The following AMN1 variants were observed in gnomAD, a reference collection of about 807,000 sequenced individuals.
The protein encoded by AMN1 is antagonist of mitotic exit network 1 homolog.
In AMN1, 20 loss-of-function variants were observed where a neutral mutation model predicts 33.0. That is an observed-to-expected ratio of 0.61 (90% CI 0.43 to 0.88). The LOEUF is 0.88. Among genes scored for constraint, AMN1 ranks in the 40% least tolerant of loss-of-function variants. The probability of loss-of-function intolerance (pLI) is 0.00; values close to 1 mark genes in which losing one functional copy is unlikely to be tolerated. For synonymous variants in AMN1, 114 were observed against 111.9 expected, an observed-to-expected ratio of 1.02 and a Z score of -0.12; for missense variants, 246 against 307.4, an observed-to-expected ratio of 0.80 and a Z score of 1.49.
At chr12:31,689,177 G>T in intron 5 of AMN1, 59 bp from the exon 6 acceptor site, 1 of 1,141,108 alleles carries the variant, frequency 8.8e-7, no homozygotes, top group Non-Finnish European at 1.3e-6. Context: ...ATAACAGTAT[G>T]AACAATTTTG....
intron 5 of AMN1, among the ~76,000 whole-genome samples, chr12:31,692,016 T>A (rs1938520376): frequency 6.6e-6 from 1 of 152,040 alleles, no homozygotes; most frequent in Admixed American, 6.6e-5. Flanking sequence ...TAGCTGGGAT[T>A]ACAGGCATGT....
intron 5 of AMN1, among the ~76,000 whole-genome samples, chr12:31,693,244 A>AT (rs983863061): frequency 8.0e-5 from 12 of 149,612 alleles, no homozygotes; most frequent in Non-Finnish European, 1.5e-4. Flanking sequence ...CCTCTGGTTA[A>AT]TTTTTTTTTT....
chr12:31,724,435 C>G (rs576630924), intron 1 of AMN1, among the ~76,000 whole-genome samples: 2 of 152,160 alleles, frequency 1.3e-5, no homozygotes. Flanking sequence ...ACATCCTGGG[C>G]AGACAGGGCA....
intron 2 of AMN1, among the ~76,000 whole-genome samples, chr12:31,706,712 T>C (rs940011487): frequency 1.3e-5 from 2 of 152,206 alleles, no homozygotes; most frequent in African/African-American, 2.4e-5. Flanking sequence ...TTTCTAGTGC[T>C]TGGGGCTCTC....
chr12:31,727,072 C>T (rs1490926472), intron 1 of AMN1, among the ~76,000 whole-genome samples: 1 of 152,122 alleles, frequency 6.6e-6, no homozygotes, highest in African/African-American at 2.4e-5. Context: ...CTAGACTGGT[C>T]TCCAACTCCT....
rs556856625 is a variant in AMN1, at chr12:31,689,450, A to G, written c.592-332T>C. On this transcript the variant is annotated intron_variant, in intron 5 of 6. Coordinates refer to ENST00000281471, the MANE Select transcript of AMN1 (RefSeq NM_001113402.2). ...TTATAAATATGCCCTTTGCAGTATT[A>G]CTTGTAATAGTAAAAAAAGTGGAGA... Among the ~76,000 whole-genome samples the G allele has an allele frequency of 2.0e-5, 3 of 152,332 alleles. No homozygotes were observed. The East Asian group carries it at 5.8e-4, about 29-fold the overall frequency.
intron 2 of AMN1, 30 bp downstream of exon 2, chr12:31,709,263 T>C: frequency 6.2e-7 from 1 of 1,607,264 alleles, no homozygotes; most frequent in Non-Finnish European, 8.5e-7. Context: ...AAATATAATA[T>C]GCTTGCTTTA....
rs1423830805 is a variant in AMN1, at chr12:31,697,355, A to G, written c.591+6T>C. The G allele has an allele frequency of 6.2e-7, 1 of 1,609,642 alleles. No individual in the cohort carries two copies. The highest frequency in any genetic ancestry group is 1.7e-5 in the Admixed American group (1 of 59,728). On this transcript the variant is annotated splice_donor_region_variant and intron_variant, in intron 5 of 6. Coordinates refer to ENST00000281471, the MANE Select transcript of AMN1 (RefSeq NM_001113402.2). ...ACCACCATCTTTATAATTGTTTTAA[A>G]ATTACCTCTAATTTCTTCGCACAAG...
chr12:31,678,235 G>A (rs1478883323), intron 6 of AMN1, among the ~76,000 whole-genome samples: 1 of 151,858 alleles, frequency 6.6e-6, no homozygotes, highest in Non-Finnish European at 1.5e-5. Context: ...CCTTATGATG[G>A]GTGAGGAAAG....
chr12:31,706,182 G>A (rs1317788365), intron 2 of AMN1, among the ~76,000 whole-genome samples: 1 of 151,578 alleles, frequency 6.6e-6, no homozygotes, highest in East Asian at 1.9e-4. Context: ...TGTGGTGGCG[G>A]GCGCCTGTAG....
At chr12:31,722,220 G>T (rs1408128736) in intron 1 of AMN1, among the ~76,000 whole-genome samples, 2 of 151,388 alleles carry the variant, frequency 1.3e-5, no homozygotes, top group Non-Finnish European at 2.9e-5. Flanking sequence ...CATTTTTTCG[G>T]GTTATGGTTT....
intron 5 of AMN1, among the ~76,000 whole-genome samples, chr12:31,696,816 G>A (rs1308174958): frequency 6.6e-6 from 1 of 151,782 alleles, no homozygotes; most frequent in East Asian, 1.9e-4. Flanking sequence ...AGCTGCTTGG[G>A]AGGCTGAGGC....
In AMN1 at chr12:31,702,024, AT is replaced by A. The variant is rs779728234; in HGVS notation, c.172-18del. ...ATGTAAAATCTATAACAAATAAGTG[AT>A]TTTGAAAAAATTATTTCTTTCTATA... On this transcript the variant is annotated intron_variant, in intron 2 of 6. Transcript: ENST00000281471. 8 of 1,559,462 alleles carry A rather than the reference AT, an allele frequency of 5.1e-6. 1 individual carries two copies. The South Asian group carries it at 8.6e-5, about 17-fold the overall frequency.
chr12:31,679,610 C>T (rs12818390), intron 6 of AMN1, among the ~76,000 whole-genome samples: 83,684 of 151,934 alleles, frequency 0.55, 23,281 homozygotes, highest in Middle Eastern at 0.6. Context: ...AAATTGAAAG[C>T]GGCAGATTTC....
chr12:31,706,956 A>G (rs1046855883), intron 2 of AMN1, among the ~76,000 whole-genome samples: 19 of 151,882 alleles, frequency 1.3e-4, no homozygotes, highest in African/African-American at 4.8e-5. Flanking sequence ...GAGGCCAAAT[A>G]TATTAATAAG....
intron 2 of AMN1, among the ~76,000 whole-genome samples, chr12:31,708,374 C>G (rs1939333697): frequency 6.6e-6 from 1 of 152,156 alleles, no homozygotes; most frequent in Non-Finnish European, 1.5e-5. Context: ...TGGTCTCCTG[C>G]AGTACCCTCA....
intron 6 of AMN1, among the ~76,000 whole-genome samples, chr12:31,680,832 T>C (rs1937977489): frequency 6.6e-6 from 1 of 152,158 alleles, no homozygotes; most frequent in African/African-American, 2.4e-5. Context: ...TACTCATATG[T>C]GAGCAACCAT....
intron 6 of AMN1, among the ~76,000 whole-genome samples, chr12:31,680,079 C>T (rs1174540598): frequency 6.9e-6 from 1 of 144,390 alleles, no homozygotes; most frequent in Non-Finnish European, 1.5e-5. Context: ...ACCAAGATCG[C>T]ACCACTACAC....
chr12:31,686,933 A>G (rs1345720021), intron 6 of AMN1, among the ~76,000 whole-genome samples: 1 of 152,246 alleles, frequency 6.6e-6, no homozygotes, highest in Admixed American at 6.5e-5. Flanking sequence ...AGGGTATACA[A>G]TGACATTTTT....
Sources: gnomAD v4.1 joint callset for allele counts (sites outside exome capture counted in the v4.1 genomes callset) on GRCh38, gnomAD v4.1.1 for gene constraint, MANE v1.5 for transcripts, NCBI Gene and HGNC (gene_info 2026-07-23, HGNC 2026-07-21) for gene names.